The following BARD1 variants were observed in gnomAD, a reference collection of about 807,000 sequenced individuals.
BARD1 encodes BRCA1 associated RING domain 1.
Under a neutral mutation model 77.0 loss-of-function variants are expected in BARD1, and 73 were observed. The observed-to-expected ratio is 0.95, with a 90% confidence interval of 0.79 to 1.15. BARD1 has a LOEUF of 1.15. BARD1 is among the 50% of genes most tolerant of loss of function. The pLI is 0.00. For synonymous variants in BARD1, 384 were observed against 338.0 expected (o/e 1.14, Z -1.49); for missense variants, 993 against 938.8 (o/e 1.06, Z -0.75).
Position 214,767,467 on chromosome 2 carries a change from C to A in BARD1, c.1568+15G>T, listed in dbSNP as rs145936354. ...AGGTCCATTTTAAAAATAATTTTTACGTTGAACTACTTACACAGCATTTCT... is the reference window on the plus strand; with the variant it reads ...AGGTCCATTTTAAAAATAATTTTTAAGTTGAACTACTTACACAGCATTTCT... On this transcript the variant is annotated intron_variant, in intron 6 of 10. Coordinates refer to ENST00000260947, the MANE Select transcript of BARD1 (RefSeq NM_000465.4). 199 of 1,610,002 alleles carry A rather than the reference C, an allele frequency of 1.2e-4. No homozygotes were observed. Among genetic ancestry groups the A allele is most frequent in the Non-Finnish European group, 1.6e-4 (184 of 1,176,512 alleles).
intron 1 of BARD1, among the ~76,000 whole-genome samples, chr2:214,805,051 C>T (rs1333585341): frequency 1.3e-5 from 2 of 152,134 alleles, no homozygotes; most frequent in Non-Finnish European, 2.9e-5. Context: ...ATCCCAGCTA[C>T]TCAGGAGGCT....
At position 214,740,679 on chromosome 2, in the gene BARD1, G is replaced by C. The variant is rs74952209; in HGVS notation, c.1903+4388C>G. On this transcript the variant is annotated intron_variant, in intron 9 of 10. Coordinates refer to ENST00000260947, the MANE Select transcript of BARD1 (RefSeq NM_000465.4). ...CCAGAGAGTATCTTCAGGCATTTCAGAATTTTCCTAATCTTTCATATGTAG... is the reference window on the plus strand; with the variant it reads ...CCAGAGAGTATCTTCAGGCATTTCACAATTTTCCTAATCTTTCATATGTAG... 5.2e-3 allele frequency among the ~76,000 whole-genome samples: 783 copies of C among 151,996 alleles called. 6 individuals carry two copies. The highest frequency in any genetic ancestry group is 0.024 in the Middle Eastern group (7 of 294).
At chr2:214,793,914 A>G (rs62201985) in intron 2 of BARD1, among the ~76,000 whole-genome samples, 29,763 of 152,030 alleles carry the variant, frequency 0.2, 3,003 homozygotes, top group South Asian at 0.23. Context: ...ATAAAAATTT[A>G]TTGATATAGT....
At chr2:214,732,536 C>T (rs1692402605) in intron 9 of BARD1, among the ~76,000 whole-genome samples, 1 of 152,098 alleles carries the variant, frequency 6.6e-6, no homozygotes, top group Non-Finnish European at 1.5e-5. Flanking sequence ...GCTGGGACTA[C>T]AGGCGCCCGC....
At chr2:214,774,478 G>A (rs1694653203) in intron 4 of BARD1, among the ~76,000 whole-genome samples, 1 of 152,196 alleles carries the variant, frequency 6.6e-6, no homozygotes. Flanking sequence ...GAACACTTGG[G>A]TGACTAGGTG....
intron 2 of BARD1, among the ~76,000 whole-genome samples, chr2:214,795,082 A>G (rs1695700137): frequency 6.6e-6 from 1 of 152,064 alleles, no homozygotes; most frequent in African/African-American, 2.4e-5. Context: ...TGACTGACCT[A>G]TTGTATACAG....
At chr2:214,740,611 C>A (rs998506972) in intron 9 of BARD1, among the ~76,000 whole-genome samples, 2 of 151,886 alleles carry the variant, frequency 1.3e-5, no homozygotes, top group African/African-American at 4.8e-5. Flanking sequence ...TTTTCATAAT[C>A]TTTTAGTCTT....
intron 4 of BARD1, among the ~76,000 whole-genome samples, chr2:214,775,462 C>G (rs1431035975): frequency 6.6e-6 from 1 of 151,998 alleles, no homozygotes; most frequent in Non-Finnish European, 1.5e-5. Context: ...TTGTGGTGCC[C>G]CAAAGCAATT....
intron 4 of BARD1, among the ~76,000 whole-genome samples, chr2:214,775,716 C>A (rs1225312301): frequency 6.6e-6 from 1 of 152,128 alleles, no homozygotes; most frequent in African/African-American, 2.4e-5. Context: ...TGTAATTTAA[C>A]AGATAATTCT....
At chr2:214,769,088 A>G (rs1694350130) in intron 5 of BARD1, 144 bp downstream of exon 5, 1 of 707,102 alleles carries the variant, frequency 1.4e-6, no homozygotes, top group African/African-American at 1.8e-5. Flanking sequence ...GAAAGTAATC[A>G]TGTTCTCATA....
In BARD1 at chr2:214,731,425, C is replaced by T. The variant is rs141427094; in HGVS notation, c.1904-917G>A. 3.2e-4 allele frequency among the ~76,000 whole-genome samples: 48 copies of T among 152,244 alleles called. No individual in the cohort carries two copies. The East Asian group carries it at 8.5e-3, about 27-fold the overall frequency. On this transcript the variant is annotated intron_variant, in intron 9 of 10. Coordinates refer to ENST00000260947, the MANE Select transcript of BARD1 (RefSeq NM_000465.4). ...TGGATAATGCCTGTTTACCACCAAG[C>T]GAGGGAACTGATGGCATGTATATAT...
intron 3 of BARD1, among the ~76,000 whole-genome samples, chr2:214,791,760 G>C (rs984594446): frequency 6.6e-6 from 1 of 152,142 alleles, no homozygotes; most frequent in Non-Finnish European, 1.5e-5. Context: ...GTGTATTTAA[G>C]TGAGTTAAGT....
intron 2 of BARD1, among the ~76,000 whole-genome samples, chr2:214,796,624 A>C (rs962962971): frequency 6.6e-6 from 1 of 152,282 alleles, no homozygotes; most frequent in African/African-American, 2.4e-5. Context: ...TAGCCTACAG[A>C]ACTAGAGAGA....
At chr2:214,754,936 T>A (rs911831074) in intron 6 of BARD1, among the ~76,000 whole-genome samples, 2 of 152,146 alleles carry the variant, frequency 1.3e-5, no homozygotes, top group African/African-American at 4.8e-5. Context: ...GAAGTAGATG[T>A]AAGTTTACAT....
chr2:214,796,975 A>G, intron 2 of BARD1, 86 bp downstream of exon 2: 2 of 1,046,102 alleles, frequency 1.9e-6, no homozygotes, highest in African/African-American at 1.6e-5. Context: ...ACAAACATCA[A>G]GTACCATTAT....
At chr2:214,737,593 C>A (rs926445131) in intron 9 of BARD1, among the ~76,000 whole-genome samples, 2 of 151,948 alleles carry the variant, frequency 1.3e-5, no homozygotes, top group Non-Finnish European at 2.9e-5. Flanking sequence ...CCTACTGAAC[C>A]TTTTTTTAAG....
chr2:214,771,622 G>A (rs1217099235), intron 4 of BARD1, among the ~76,000 whole-genome samples: 2 of 151,772 alleles, frequency 1.3e-5, no homozygotes, highest in Non-Finnish European at 2.9e-5. Flanking sequence ...TAGCTACTCA[G>A]GAGGCTGAGA....
intron 7 of BARD1, among the ~76,000 whole-genome samples, chr2:214,746,843 A>G (rs1239630273): frequency 6.6e-6 from 1 of 152,146 alleles, no homozygotes; most frequent in Non-Finnish European, 1.5e-5. Context: ...ACAAAAGCCA[A>G]AATTGACAAA....
At chr2:214,782,494 ACT>A (rs1695088483) in intron 3 of BARD1, among the ~76,000 whole-genome samples, 1 of 151,580 alleles carries the variant, frequency 6.6e-6, no homozygotes, top group South Asian at 2.1e-4. Context: ...TATATAAAAT[ACT>A]TTTTAAAAAT....
Sources: gnomAD v4.1 joint callset for allele counts (sites outside exome capture counted in the v4.1 genomes callset) on GRCh38, gnomAD v4.1.1 for gene constraint, MANE v1.5 for transcripts, NCBI Gene and HGNC (gene_info 2026-07-23, HGNC 2026-07-21) for gene names.